The following XPO4 variants were observed in gnomAD, a reference collection of about 807,000 sequenced individuals.
XPO4 encodes the protein exportin 4, also known as exportin-4.
Under a neutral mutation model 143.0 loss-of-function variants are expected in XPO4, and 39 were observed. The ratio of observed to expected loss-of-function variants is 0.27; its 90% CI spans 0.21 to 0.36. XPO4 has a LOEUF of 0.36. XPO4 is among the 10% of genes least tolerant of loss of function. XPO4 has a pLI of 1.00. For synonymous variants in XPO4, 439 were observed against 474.0 expected, an observed-to-expected ratio of 0.93 and a Z score of 0.96; for missense variants, 907 against 1,348.0, an observed-to-expected ratio of 0.67 and a Z score of 5.12.
intron 1 of XPO4, among the ~76,000 whole-genome samples, chr13:20,901,302 T>C (rs780623776): frequency 6.6e-6 from 1 of 152,184 alleles, no homozygotes; most frequent in South Asian, 2.1e-4. Flanking sequence ...AATACTAGTT[T>C]ATATTAAGCC....
chr13:20,834,794 T>A (rs758056578), intron 6 of XPO4, among the ~76,000 whole-genome samples: 3 of 151,906 alleles, frequency 2.0e-5, no homozygotes, highest in Non-Finnish European at 4.4e-5. Context: ...GATCCTGCCC[T>A]ACAAAAAAAT....
intron 7 of XPO4, among the ~76,000 whole-genome samples, chr13:20,824,513 T>C (rs2059759822): frequency 1.3e-5 from 2 of 152,192 alleles, no homozygotes; most frequent in African/African-American, 4.8e-5. Context: ...TAACTGTCTT[T>C]CGAGACGGTG....
At chr13:20,857,809 T>C in intron 3 of XPO4, 3 of 978,170 alleles carry the variant, frequency 3.1e-6, no homozygotes, top group Non-Finnish European at 3.6e-6. Context: ...GTGGCAGAAG[T>C]AGGGTGCAAA....
At chr13:20,899,140 G>A (rs1372921694) in intron 1 of XPO4, among the ~76,000 whole-genome samples, 1 of 152,126 alleles carries the variant, frequency 6.6e-6, no homozygotes, top group African/African-American at 2.4e-5. Flanking sequence ...TCAATGCACG[G>A]TTGATGTCCA....
intron 18 of XPO4, among the ~76,000 whole-genome samples, chr13:20,795,384 CA>C (rs1377657307): frequency 6.6e-6 from 1 of 152,210 alleles, no homozygotes; most frequent in Non-Finnish European, 1.5e-5. Flanking sequence ...TTGTCAGACA[CA>C]ATGCTAGGCA....
In XPO4 at chr13:20,797,133, T is replaced by C. The variant is rs373534506; in HGVS notation, c.2323-76A>G. On this transcript the variant is annotated intron_variant, in intron 16 of 22. Transcript: ENST00000255305. ...TTCCTCTGCTTGGATACATATTCAC[T>C]TTCCAAAACATTTCTAATTGTTGGA... 2.6e-5 allele frequency: 36 copies of C among 1,381,630 alleles called. No homozygotes were observed. In the African/African-American group the frequency reaches 4.1e-4, roughly 16 times the overall value. The allele number at this position is 1,381,630 out of a possible 1,614,324, so 85.6% of individuals were successfully genotyped here.
intron 1 of XPO4, among the ~76,000 whole-genome samples, chr13:20,871,321 T>C (rs1193936311): frequency 1.3e-5 from 2 of 151,912 alleles, no homozygotes; most frequent in African/African-American, 4.8e-5. Context: ...TGCCCAGTCT[T>C]TTTTGTTTTG....
intron 9 of XPO4, among the ~76,000 whole-genome samples, chr13:20,813,755 C>G (rs1448040222): frequency 6.6e-6 from 1 of 152,046 alleles, no homozygotes; most frequent in Non-Finnish European, 1.5e-5. Context: ...ATCAGGAGTT[C>G]AAGACTAGCC....
chr13:20,866,498 C>T, intron 2 of XPO4: 1 of 551,998 alleles, frequency 1.8e-6, no homozygotes, highest in Non-Finnish European at 2.3e-6. Flanking sequence ...CGATTGACTG[C>T]CACTTGTATG....
intron 18 of XPO4, among the ~76,000 whole-genome samples, chr13:20,795,610 G>C (rs2059347939): frequency 6.6e-6 from 1 of 152,210 alleles, no homozygotes; most frequent in Non-Finnish European, 1.5e-5. Flanking sequence ...ACTCTGGAAA[G>C]TGCTAGGGTT....
chr13:20,897,167 T>G (rs902362109), intron 1 of XPO4, among the ~76,000 whole-genome samples: 2 of 152,188 alleles, frequency 1.3e-5, no homozygotes, highest in Admixed American at 6.6e-5. Flanking sequence ...CTTACTATAA[T>G]GCATCTTTCA....
intron 16 of XPO4, among the ~76,000 whole-genome samples, chr13:20,797,331 G>A (rs1317192259): frequency 1.3e-5 from 2 of 151,972 alleles, no homozygotes. Flanking sequence ...TCCAAGTAAT[G>A]AGTCAAAAAG....
chr13:20,804,502 A>G (rs2059478964), intron 13 of XPO4, among the ~76,000 whole-genome samples: 1 of 152,030 alleles, frequency 6.6e-6, no homozygotes. Flanking sequence ...TGCCTAAAGT[A>G]CTCTTGTTTC....
chr13:20,790,866 G>T (rs967640678), intron 18 of XPO4, among the ~76,000 whole-genome samples: 1 of 152,032 alleles, frequency 6.6e-6, no homozygotes, highest in Non-Finnish European at 1.5e-5. Flanking sequence ...TTAAGAGCAG[G>T]GGACAGTCTA....
chr13:20,801,169 C>A (rs1163148998), intron 13 of XPO4, among the ~76,000 whole-genome samples, 179 bp from the exon 14 acceptor site: 1 of 152,088 alleles, frequency 6.6e-6, no homozygotes, highest in Non-Finnish European at 1.5e-5. Context: ...TGATCTTTCA[C>A]GAAGCAGGAG....
chr13:20,874,633 A>G (rs753943639), intron 1 of XPO4, among the ~76,000 whole-genome samples: 4 of 152,136 alleles, frequency 2.6e-5, no homozygotes, highest in African/African-American at 7.2e-5. Flanking sequence ...ACACGGCTAG[A>G]AGGCCCTCAT....
chr13:20,889,866 G>A (rs930491844), intron 1 of XPO4, among the ~76,000 whole-genome samples: 1 of 127,644 alleles, frequency 7.8e-6, no homozygotes, highest in Admixed American at 7.5e-5. Context: ...TAAAGTTAAT[G>A]AAAAACTGTT....
chr13:20,835,871 C>T (rs917555492), intron 6 of XPO4, among the ~76,000 whole-genome samples: 1 of 150,402 alleles, frequency 6.6e-6, no homozygotes, highest in Non-Finnish European at 1.5e-5. Context: ...TGAGCCTACT[C>T]AACTAGAAGA....
intron 22 of XPO4, among the ~76,000 whole-genome samples, 175 bp downstream of exon 22, chr13:20,786,784 TAAACAC>T (rs1414735426): frequency 2.6e-5 from 4 of 152,186 alleles, no homozygotes; most frequent in Non-Finnish European, 5.9e-5. Context: ...AGCTGTCAGA[TAAACAC>T]AAACTGACAT....
Sources: allele counts gnomAD v4.1 joint callset (sites outside exome capture counted in the v4.1 genomes callset), GRCh38; gene constraint gnomAD v4.1.1; transcripts MANE v1.5; gene names NCBI Gene and HGNC (gene_info 2026-07-23, HGNC 2026-07-21).